Variants in HYCC2 observed in about 807,000 individuals in gnomAD.
HYCC2 encodes the protein hyccin PI4KA lipid kinase complex subunit 2, also known as hyccin 2.
the HYCC2 span, among the ~76,000 whole-genome samples, chr2:201,040,196 T>C: frequency 2.0e-5 from 3 of 149,854 alleles, no homozygotes; most frequent in African/African-American, 4.9e-5. Flanking sequence ...AGTGAGGAAA[T>C]AAATTACTAG....
At chr2:200,980,085 G>A in the HYCC2 span, 1 of 152,608 alleles carries the variant, frequency 6.6e-6, no homozygotes, top group Non-Finnish European at 1.5e-5. Flanking sequence ...CTATAAAAAT[G>A]TGTCACATTG....
At chr2:200,983,885 AT>A in the HYCC2 span, among the ~76,000 whole-genome samples, 1 of 152,236 alleles carries the variant, frequency 6.6e-6, no homozygotes, top group East Asian at 1.9e-4. Context: ...CAATATGGCC[AT>A]AAAAAAGATG....
At chr2:201,058,829 C>T in the HYCC2 span, among the ~76,000 whole-genome samples, 2 of 152,226 alleles carry the variant, frequency 1.3e-5, no homozygotes, top group Non-Finnish European at 2.9e-5. Flanking sequence ...TTTCCAATCT[C>T]ATCTCCATAT....
the HYCC2 span, chr2:201,017,170 G>A: frequency 6.2e-7 from 1 of 1,608,898 alleles, no homozygotes; most frequent in Non-Finnish European, 8.5e-7. Context: ...GGCTCCAGGA[G>A]CTAAAAGGAA....
the HYCC2 span, among the ~76,000 whole-genome samples, chr2:201,066,045 T>G: frequency 6.6e-6 from 1 of 152,178 alleles, no homozygotes. Context: ...AAATTAACTT[T>G]AGATTTTATA....
At chr2:201,017,225 G>GC in the HYCC2 span, 1 of 1,067,948 alleles carries the variant, frequency 9.4e-7, no homozygotes, top group Admixed American at 3.1e-5. Context: ...TGTAACTGTT[G>GC]TTTTTTTTTT....
the HYCC2 span, among the ~76,000 whole-genome samples, chr2:201,014,171 T>C: frequency 6.6e-6 from 1 of 152,362 alleles, no homozygotes; most frequent in East Asian, 1.9e-4. Context: ...AAAATGTTTG[T>C]TTCATGTGTC....
chr2:201,064,271 A>G, the HYCC2 span, among the ~76,000 whole-genome samples: 2 of 152,112 alleles, frequency 1.3e-5, no homozygotes, highest in African/African-American at 2.4e-5. Context: ...TGTTCTGTGG[A>G]AAGTGTAAAG....
At chr2:201,002,406 TAATC>T in the HYCC2 span, among the ~76,000 whole-genome samples, 84 of 151,734 alleles carry the variant, frequency 5.5e-4, 1 homozygote, top group Non-Finnish European at 4.3e-4. Flanking sequence ...ACTTTGAAAA[TAATC>T]AGTATTGGGA....
the HYCC2 span, among the ~76,000 whole-genome samples, chr2:200,993,811 C>A: frequency 6.6e-6 from 1 of 151,134 alleles, no homozygotes; most frequent in African/African-American, 2.4e-5. Flanking sequence ...GAAACCCCGT[C>A]TCTACTAAAA....
the HYCC2 span, among the ~76,000 whole-genome samples, chr2:200,992,711 T>C: frequency 6.6e-6 from 1 of 152,212 alleles, no homozygotes; most frequent in African/African-American, 2.4e-5. Context: ...TAATGACTAG[T>C]TATGTTATAT....
the HYCC2 span, among the ~76,000 whole-genome samples, chr2:201,038,602 A>C: frequency 6.6e-6 from 1 of 152,186 alleles, no homozygotes; most frequent in African/African-American, 2.4e-5. Flanking sequence ...AGGGACATGG[A>C]AGAAGCTGGA....
chr2:201,060,064 G>GC, the HYCC2 span, among the ~76,000 whole-genome samples: 5 of 140,248 alleles, frequency 3.6e-5, no homozygotes, highest in Non-Finnish European at 7.8e-5. Context: ...CGGGGGGGGG[G>GC]GGGTTCTTCT....
the HYCC2 span, among the ~76,000 whole-genome samples, chr2:201,019,180 C>T: frequency 2.6e-5 from 4 of 152,140 alleles, no homozygotes; most frequent in Non-Finnish European, 5.9e-5. Flanking sequence ...ATGTTTCAAA[C>T]TCAATCTCCT....
the HYCC2 span, among the ~76,000 whole-genome samples, chr2:200,986,131 C>T: frequency 9.2e-5 from 14 of 152,260 alleles, no homozygotes; most frequent in East Asian, 1.9e-3. Context: ...AAAAAGGGAA[C>T]GCTGCCATCT....
At chr2:201,071,308 C>G in the HYCC2 span, 13 of 152,552 alleles carry the variant, frequency 8.5e-5, no homozygotes, top group Admixed American at 8.5e-4. Context: ...CTCACGACAC[C>G]GCCTTGCTCC....
At chr2:201,022,009 C>G in the HYCC2 span, 1 of 1,162,132 alleles carries the variant, frequency 8.6e-7, no homozygotes, top group South Asian at 1.3e-5. Context: ...AGTGGTAGGA[C>G]AAAAATGAAG....
At chr2:200,989,989 G>A in the HYCC2 span, among the ~76,000 whole-genome samples, 1 of 151,722 alleles carries the variant, frequency 6.6e-6, no homozygotes, top group Admixed American at 6.6e-5. Flanking sequence ...ATAGCATTTT[G>A]TATGTTTCCT....
At chr2:200,985,510 A>G in the HYCC2 span, among the ~76,000 whole-genome samples, 3 of 152,080 alleles carry the variant, frequency 2.0e-5, no homozygotes, top group Non-Finnish European at 4.4e-5. Flanking sequence ...AAAATACAAA[A>G]AAACTAGCCG....
Sources: allele counts gnomAD v4.1 joint callset (sites outside exome capture counted in the v4.1 genomes callset), GRCh38; gene constraint gnomAD v4.1.1; transcripts MANE v1.5; gene names NCBI Gene and HGNC (gene_info 2026-07-23, HGNC 2026-07-21).